The following FAM167A variants were observed in gnomAD, a reference collection of about 807,000 sequenced individuals.
FAM167A encodes the protein family with sequence similarity 167 member A, also known as protein FAM167A.
A neutral mutation model predicts 14.9 loss-of-function variants in FAM167A; 23 were observed. The ratio of observed to expected loss-of-function variants is 1.55; its 90% confidence interval spans 1.11 to 2.19. The LOEUF is 2.19. Among genes scored for constraint, FAM167A ranks in the 30% most tolerant of loss-of-function variants. The probability of loss-of-function intolerance (pLI) is 0.00; values close to 1 mark genes in which losing one functional copy is unlikely to be tolerated. For synonymous variants in FAM167A, 174 were observed against 117.7 expected, an observed-to-expected ratio of 1.48 and a Z score of -3.10; for missense variants, 401 against 281.5, an observed-to-expected ratio of 1.42 and a Z score of -3.04.
chr8:11,444,181 C>G lies in FAM167A; in HGVS notation c.231G>C (p.Gly77=). 2.5e-6 allele frequency: 4 copies of G among 1,612,994 alleles called. No individual in the cohort carries two copies. Among genetic ancestry groups the G allele is most frequent in the East Asian group, 2.2e-5 (1 of 44,868 alleles). ...PQASLEEGER[G]GQEPLLPLRE... ...TCAGGGGGAGCAAGGGCTCCTGCCCCCCACGCTCCCCCTCCTCCAAGCTCG... is the reference window on the plus strand; with the variant it reads ...TCAGGGGGAGCAAGGGCTCCTGCCCGCCACGCTCCCCCTCCTCCAAGCTCG... Residue 77 remains glycine, a synonymous_variant, in exon 2 of 3, where the codon GGG becomes GGC. Coordinates refer to ENST00000284486, the MANE Select transcript of FAM167A (RefSeq NM_053279.3).
intron 2 of FAM167A, 55 bp downstream of exon 2, chr8:11,443,976 C>G (rs1806605830): frequency 3.2e-6 from 5 of 1,558,008 alleles, no homozygotes; most frequent in Admixed American, 1.9e-5. Flanking sequence ...GAAAAAGACA[C>G]AGAGAGACGG....
intron 1 of FAM167A, among the ~76,000 whole-genome samples, chr8:11,461,669 A>G (rs1343179242): frequency 6.6e-6 from 1 of 152,234 alleles, no homozygotes; most frequent in Non-Finnish European, 1.5e-5. Context: ...ACCAGCTGGC[A>G]TTGGCCTCAG....
In FAM167A at chr8:11,452,991, T is replaced by G. The variant is rs528450035; in HGVS notation, c.-397-8183A>C. On this transcript the variant is annotated intron_variant, in intron 1 of 2. Coordinates refer to ENST00000284486, the MANE Select transcript of FAM167A (RefSeq NM_053279.3). Reference sequence around the variant, plus strand: ...AGGAAAGCTGGGGTGATCTCCCCCCTCTGTCCCCTTCATCACGGCTGCCCC... The same window carrying G: ...AGGAAAGCTGGGGTGATCTCCCCCCGCTGTCCCCTTCATCACGGCTGCCCC... 1.6e-3 allele frequency among the ~76,000 whole-genome samples: 246 copies of G among 152,156 alleles called. 2 individuals are homozygous for G. Among genetic ancestry groups the G allele is most frequent in the African/African-American group, 5.7e-3 (236 of 41,514 alleles).
upstream of FAM167A, among the ~76,000 whole-genome samples, chr8:11,468,638 T>C (rs928250617): frequency 2.0e-5 from 3 of 152,232 alleles, no homozygotes; most frequent in Non-Finnish European, 4.4e-5. Flanking sequence ...GCTGCATTGC[T>C]CACTGGTGTG....
chr8:11,439,923 G>T (rs35046511), intron 2 of FAM167A, among the ~76,000 whole-genome samples: 1 of 152,140 alleles, frequency 6.6e-6, no homozygotes, highest in African/African-American at 2.4e-5. Context: ...ACCAAAGCCC[G>T]GGCAGAGGCG....
In FAM167A at chr8:11,422,994, A is replaced by C. The variant is rs1304396008; in HGVS notation, c.*1379T>G. On this transcript the variant is annotated 3_prime_UTR_variant, in exon 3 of 3. Transcript: ENST00000284486. ...AGCATCACGACCATCTTTGGGGTTC[A>C]AGTTCATTGACATGTGATCTACTAG... 1 of 152,652 alleles carries C rather than the reference A, an allele frequency of 6.6e-6. No individual in the cohort carries two copies. The highest frequency in any genetic ancestry group is 1.9e-4 in the East Asian group (1 of 5,200). The allele number at this position is 152,652 out of a possible 1,614,324, so 9.5% of individuals were successfully genotyped here.
In FAM167A at chr8:11,424,339, C is replaced by T. The variant is rs373564873; in HGVS notation, c.*34G>A. 2.9e-5 allele frequency: 46 copies of T among 1,608,808 alleles called. No homozygotes were observed. Among genetic ancestry groups the T allele is most frequent in the Middle Eastern group, 1.7e-4 (1 of 6,024 alleles). On this transcript the variant is annotated 3_prime_UTR_variant, in exon 3 of 3. Coordinates refer to ENST00000284486, the MANE Select transcript of FAM167A (RefSeq NM_053279.3). Reference sequence around the variant, plus strand: ...CTGACACCCCTCCAGCCCAAGCCCTCCGCTCCAGCCCCTCCGCCCAGTCTG... The same window carrying T: ...CTGACACCCCTCCAGCCCAAGCCCTTCGCTCCAGCCCCTCCGCCCAGTCTG...
At chr8:11,427,029 C>T (rs748849011) in intron 2 of FAM167A, among the ~76,000 whole-genome samples, 8 of 152,160 alleles carry the variant, frequency 5.3e-5, no homozygotes, top group Non-Finnish European at 8.8e-5. Flanking sequence ...GGGGGCCCAA[C>T]ACGGAAGTTC....
At chr8:11,452,020 G>A (rs1400848926) in intron 1 of FAM167A, among the ~76,000 whole-genome samples, 1 of 152,170 alleles carries the variant, frequency 6.6e-6, no homozygotes, top group East Asian at 1.9e-4. Flanking sequence ...ACAACTGAGA[G>A]CAAACCAGTG....
intron 1 of FAM167A, among the ~76,000 whole-genome samples, chr8:11,450,434 C>G (rs981369284): frequency 6.6e-6 from 1 of 152,230 alleles, no homozygotes; most frequent in African/African-American, 2.4e-5. Flanking sequence ...GATGAAGAGA[C>G]TGAGGCATAG....
intron 2 of FAM167A, chr8:11,434,782 G>T (rs1333984157): frequency 3.0e-6 from 1 of 337,710 alleles, no homozygotes; most frequent in South Asian, 2.4e-5. Flanking sequence ...GGTGGCATGT[G>T]CCCTACACAG....
In FAM167A at chr8:11,475,543, T is replaced by C. The variant is rs139333888; in HGVS notation, c.-398+323A>G. On this transcript the variant is annotated intron_variant, in intron 1 of 1. Transcript: ENST00000648766. ...GCAGAAGCCAAGATTAAAATACAGT[T>C]GAGATCCAACCTTTTACACATCATA... 2.6e-5 allele frequency among the ~76,000 whole-genome samples: 4 copies of C among 152,052 alleles called. No homozygotes were observed. In the East Asian group the frequency reaches 7.8e-4, roughly 29 times the overall value.
chr8:11,424,495 C>T lies in FAM167A; in HGVS notation c.523G>A (p.Asp175Asn). 4 of 1,614,136 alleles carry T rather than the reference C, an allele frequency of 2.5e-6. No homozygotes were observed. Among genetic ancestry groups the T allele is most frequent in the South Asian group, 1.1e-5 (1 of 91,078 alleles). The change falls in exon 3 of 3, where the codon GAT becomes AAT. Residue 175 changes from aspartate (D) to asparagine (N), a missense_variant. Physicochemically the swap from Asp to Asn is conservative, Grantham distance 23. Coordinates refer to ENST00000284486, the MANE Select transcript of FAM167A (RefSeq NM_053279.3). ...TCACAGAAGAGGTCGGCCAGCTCAT[C>T]CCGCTCCTCCAGCTCGTAGGTGGCA... is the stretch of plus-strand genomic sequence containing the variant. ...NDATYELEER[D>N]ELADLFCDSP...
chr8:11,429,414 C>G (rs1370811101), intron 2 of FAM167A, among the ~76,000 whole-genome samples: 1 of 152,234 alleles, frequency 6.6e-6, no homozygotes, highest in Non-Finnish European at 1.5e-5. Context: ...CAGGTCTGAG[C>G]TGGGACTGGA....
chr8:11,434,745 C>G lies in FAM167A; in HGVS notation c.381+9286G>C, dbSNP rs189807925. ...GCTCTGGGTTCCAGTCCTAGTGCAG[C>G]CTCTGATGACATGATGACTCTGGAC... On this transcript the variant is annotated intron_variant, in intron 2 of 2. Transcript: ENST00000284486. 253 of 267,602 alleles carry G rather than the reference C, an allele frequency of 9.5e-4. 2 individuals carry two copies. The highest frequency in any genetic ancestry group is 5.4e-3 in the African/African-American group (243 of 44,766). The allele number at this position is 267,602 out of a possible 1,614,324, so 16.6% of individuals were successfully genotyped here.
At chr8:11,461,534 G>A (rs779189970) in intron 1 of FAM167A, among the ~76,000 whole-genome samples, 61 of 152,320 alleles carry the variant, frequency 4.0e-4, no homozygotes, top group African/African-American at 1.3e-3. Flanking sequence ...AGCGCAGGCC[G>A]GTACCCTGGC....
Position 11,461,495 on chromosome 8 carries a change from A to G in FAM167A, c.-398+5131T>C, listed in dbSNP as rs185521366. On this transcript the variant is annotated intron_variant, in intron 1 of 2. Coordinates refer to ENST00000284486, the MANE Select transcript of FAM167A (RefSeq NM_053279.3). Reference sequence around the variant, plus strand: ...AAAGTAGACACAGAGTGGCCTTTAAAGCAATCTGCAGAGATGAAAGCAGAA... The same window carrying G: ...AAAGTAGACACAGAGTGGCCTTTAAGGCAATCTGCAGAGATGAAAGCAGAA... Among the ~76,000 whole-genome samples the G allele has an allele frequency of 8.1e-4, 124 of 152,368 alleles. 1 individual carries two copies. The highest frequency in any genetic ancestry group is 1.5e-3 in the Non-Finnish European group (101 of 68,028).
chr8:11,442,147 C>T (rs1440383745), intron 2 of FAM167A, among the ~76,000 whole-genome samples: 4 of 152,362 alleles, frequency 2.6e-5, no homozygotes, highest in African/African-American at 7.2e-5. Context: ...ACATCACCCA[C>T]GGTTGTGCCT....
chr8:11,458,792 A>C (rs956310283), intron 1 of FAM167A, among the ~76,000 whole-genome samples: 28 of 152,156 alleles, frequency 1.8e-4, no homozygotes, highest in Non-Finnish European at 1.5e-5. Flanking sequence ...AGGGAAAAAA[A>C]AAACAGAAAG....
Sources: gnomAD v4.1 joint callset for allele counts (sites outside exome capture counted in the v4.1 genomes callset) on GRCh38, gnomAD v4.1.1 for gene constraint, MANE v1.5 for transcripts, NCBI Gene and HGNC (gene_info 2026-07-23, HGNC 2026-07-21) for gene names.